USH2A: variants seen among roughly 807,000 people sequenced by gnomAD.
USH2A encodes Usher syndrome 2A (autosomal recessive, mild).
USH2A carries 443 observed loss-of-function variants against 538.9 expected under a neutral mutation model. That is an observed-to-expected ratio of 0.82 (90% CI 0.76 to 0.89). The LOEUF is 0.89. USH2A is among the 40% of genes least tolerant of loss of function. The probability of loss-of-function intolerance (pLI) is 0.00; values close to 1 mark genes in which losing one functional copy is unlikely to be tolerated. For missense variants in USH2A, 6,633 were observed against 6,324.8 expected, an observed-to-expected ratio of 1.05 and a Z score of -1.65; for synonymous variants, 2,413 against 2,273.5, an observed-to-expected ratio of 1.06 and a Z score of -1.75.
rs1169349127 is a variant in USH2A at position 215,627,429 on chromosome 1, C to CTTCTTTCCTTCCTTCT, written c.15519+1384_15519+1385insAGAAGGAAGGAAAGAA. Reference sequence around the variant, plus strand: ...CCTTCCTTCCTTCCTTCCTTCCTTCCTTCCTTCCTTCCTTCCTTCCTTCCT... The same window carrying CTTCTTTCCTTCCTTCT: ...CCTTCCTTCCTTCCTTCCTTCCTTCCTTCTTTCCTTCCTTCTTTCCTTCCTTCCTTCCTTCCTTCCT... On this transcript the variant is annotated intron_variant, in intron 71 of 71. Transcript: ENST00000307340. Among the ~76,000 whole-genome samples the CTTCTTTCCTTCCTTCT allele has an allele frequency of 2.4e-3, 198 of 83,946 alleles. 7 individuals carry two copies. Among genetic ancestry groups the CTTCTTTCCTTCCTTCT allele is most frequent in the Middle Eastern group, 0.014 (2 of 144 alleles). 55.1% of individuals were successfully genotyped at this position (83,946 alleles called of 152,430 possible). A position where few individuals can be genotyped will look rare whatever the true frequency, so the allele number is the denominator to read the frequency against.
At chr1:216,077,974 C>A in intron 27 of USH2A, 115 bp downstream of exon 27, 1 of 1,262,548 alleles carries the variant, frequency 7.9e-7, no homozygotes, top group East Asian at 2.3e-5. Flanking sequence ...AAAAGAGATG[C>A]TGTTGGGTGC....
intron 11 of USH2A, among the ~76,000 whole-genome samples, chr1:216,264,529 T>C (rs1571636790): frequency 1.3e-5 from 2 of 152,192 alleles, no homozygotes; most frequent in African/African-American, 2.4e-5. Context: ...AACTCCTGAC[T>C]TCAAGTGATC....
chr1:216,199,943 C>T lies in USH2A; in HGVS notation c.3495G>A (p.Val1165=), dbSNP rs780945651. ...SYIIPIGSDS[V]TLTWTTLSNQ... The stretch of plus-strand genomic sequence containing the variant: ...TTGAGAGTGTTGTCCAGGTAAGTGT[C>T]ACAGAGTCTGAGCCAATAGGAATGA... The change falls in exon 17 of 72, where the codon GTG becomes GTA. Residue 1165 remains valine, a synonymous_variant. Coordinates refer to ENST00000307340, the MANE Select transcript of USH2A (RefSeq NM_206933.4). 1.9e-6 allele frequency: 3 copies of T among 1,614,098 alleles called. No homozygotes were observed. Among genetic ancestry groups the T allele is most frequent in the African/African-American group, 1.3e-5 (1 of 75,034 alleles).
Position 215,674,445 on chromosome 1 carries a change from C to T in USH2A, c.13466G>A (p.Gly4489Asp), listed in dbSNP as rs527236127. The T allele has an allele frequency of 6.2e-7, 1 of 1,614,132 alleles. No homozygotes were observed. The highest frequency in any genetic ancestry group is 8.5e-7 in the Non-Finnish European group (1 of 1,180,026). Residue 4489 changes from glycine to aspartate, a missense_variant, in exon 63 of 72, where the codon GGC becomes GAC. By Grantham distance (94) the Gly-to-Asp change is moderately conservative. Transcript: ENST00000307340. Reference protein sequence around the residue: ...LRRDGTIVYTGLETRYRDFTL... With the variant: ...LRRDGTIVYTDLETRYRDFTL... ...AAAATCACGATAGCGTGTTTCCAAG[C>T]CTGTATATACAATGGTTCCATCCCT...
chr1:216,174,362 G>GT (rs773136439), intron 21 of USH2A: 69 of 984,030 alleles, frequency 7.0e-5, no homozygotes, highest in Non-Finnish European at 7.1e-5. Context: ...CATAAGTAGA[G>GT]TTTTTTTACA....
intron 30 of USH2A, among the ~76,000 whole-genome samples, chr1:216,063,428 A>G (rs1023927471): frequency 1.3e-5 from 2 of 152,194 alleles, no homozygotes; most frequent in African/African-American, 4.8e-5. Context: ...TCCACCTGGC[A>G]ATACTGGAGT....
intron 52 of USH2A, among the ~76,000 whole-genome samples, chr1:215,785,930 G>GCTACAC (rs1661784724): frequency 1.1e-5 from 1 of 87,520 alleles, no homozygotes; most frequent in South Asian, 3.5e-4. Context: ...GATGATAGAT[G>GCTACAC]ATACACACAC....
At chr1:216,232,602 C>T (rs916345529) in intron 13 of USH2A, among the ~76,000 whole-genome samples, 7 of 152,186 alleles carry the variant, frequency 4.6e-5, no homozygotes, top group African/African-American at 1.7e-4. Context: ...AAAAAGTTAT[C>T]TGAAATTCAA....
At chr1:216,421,426 G>A (rs548237414) in intron 2 of USH2A, among the ~76,000 whole-genome samples, 6 of 152,216 alleles carry the variant, frequency 3.9e-5, no homozygotes, top group African/African-American at 1.4e-4. Context: ...CAAGGACTGG[G>A]AGAACTATCT....
intron 61 of USH2A, among the ~76,000 whole-genome samples, chr1:215,713,455 T>A (rs4559472): frequency 0.16 from 24,916 of 152,108 alleles, 2,246 homozygotes; most frequent in East Asian, 0.31. Flanking sequence ...ATTTTTTTTT[T>A]AAATCAGTTG....
At chr1:216,210,861 A>T (rs1409760667) in intron 15 of USH2A, among the ~76,000 whole-genome samples, 1 of 152,036 alleles carries the variant, frequency 6.6e-6, no homozygotes, top group Admixed American at 6.6e-5. Context: ...CACACCTGTA[A>T]TCCCAGCTAC....
chr1:215,768,175 C>A (rs1386694912), intron 55 of USH2A, among the ~76,000 whole-genome samples: 2 of 152,064 alleles, frequency 1.3e-5, no homozygotes, highest in Non-Finnish European at 2.9e-5. Flanking sequence ...CCCTTTTTAT[C>A]CCCTCACATA....
intron 44 of USH2A, among the ~76,000 whole-genome samples, chr1:215,846,807 T>C (rs1663861749): frequency 6.6e-6 from 1 of 152,156 alleles, no homozygotes; most frequent in African/African-American, 2.4e-5. Context: ...ACACAGATCC[T>C]AGAGACATTT....
chr1:215,797,794 T>C (rs1281996099), intron 50 of USH2A, among the ~76,000 whole-genome samples: 1 of 152,180 alleles, frequency 6.6e-6, no homozygotes, highest in Admixed American at 6.6e-5. Flanking sequence ...AGAAAATTAA[T>C]GTTTACATGC....
chr1:216,252,675 C>T (rs2102554284), intron 11 of USH2A, among the ~76,000 whole-genome samples: 1 of 152,196 alleles, frequency 6.6e-6, no homozygotes, highest in Non-Finnish European at 1.5e-5. Flanking sequence ...TAATAATGAA[C>T]CTCAATATCA....
chr1:215,916,200 A>G (rs1443814207), intron 38 of USH2A, among the ~76,000 whole-genome samples: 1 of 151,986 alleles, frequency 6.6e-6, no homozygotes, highest in African/African-American at 2.4e-5. Flanking sequence ...TAATAAAATA[A>G]AAAAAAGAAA....
chr1:215,673,184 A>T (rs1312905719), intron 63 of USH2A, among the ~76,000 whole-genome samples: 1 of 152,180 alleles, frequency 6.6e-6, no homozygotes, highest in East Asian at 1.9e-4. Context: ...ACCCTAAATA[A>T]TTGTCATGAG....
chr1:216,267,055 G>A (rs1200560847), intron 11 of USH2A, among the ~76,000 whole-genome samples: 6 of 151,944 alleles, frequency 3.9e-5, no homozygotes, highest in African/African-American at 1.2e-4. Context: ...GGGCGTGAGC[G>A]TAGATACAGG....
intron 4 of USH2A, among the ~76,000 whole-genome samples, chr1:216,355,997 G>A (rs1256133101): frequency 2.0e-5 from 3 of 152,050 alleles, no homozygotes; most frequent in African/African-American, 7.2e-5. Context: ...TGAAAAGTAT[G>A]TGTATAAAAC....
Sources: gnomAD v4.1 joint callset for allele counts (sites outside exome capture counted in the v4.1 genomes callset) on GRCh38, gnomAD v4.1.1 for gene constraint, MANE v1.5 for transcripts, NCBI Gene and HGNC (gene_info 2026-07-23, HGNC 2026-07-21) for gene names.